Variants in ASPRV1 observed in about 807,000 individuals in gnomAD.
ASPRV1 encodes the protein retroviral-like aspartic protease 1.
A neutral mutation model predicts 11.0 loss-of-function variants in ASPRV1; 7 were observed. The ratio of observed to expected loss-of-function variants is 0.64; its 90% CI spans 0.36 to 1.20. The LOEUF is 1.20. Ranked by LOEUF, ASPRV1 falls within the 50% of genes most tolerant of loss-of-function variation. The pLI, the probability that ASPRV1 is intolerant of heterozygous loss-of-function variation, is 0.02. For missense variants in ASPRV1, 299 were observed against 320.0 expected, an observed-to-expected ratio of 0.93 and a Z score of 0.50; for synonymous variants, 136 against 138.4, an observed-to-expected ratio of 0.98 and a Z score of 0.12.
At chr2:70,059,328 A>G in the ASPRV1 span, among the ~76,000 whole-genome samples, 1 of 150,290 alleles carries the variant, frequency 6.7e-6, no homozygotes, top group Non-Finnish European at 1.5e-5. Context: ...CTACATGTGC[A>G]GAACATGCAG....
chr2:70,055,162 G>C, the ASPRV1 span, among the ~76,000 whole-genome samples: 2 of 152,216 alleles, frequency 1.3e-5, no homozygotes, highest in African/African-American at 4.8e-5. Context: ...AATTAGCCAG[G>C]CGTGGTGGCG....
chr2:70,037,738 T>C, the ASPRV1 span, among the ~76,000 whole-genome samples: 1 of 152,316 alleles, frequency 6.6e-6, no homozygotes, highest in East Asian at 1.9e-4. Flanking sequence ...TGTTACTTTT[T>C]TTTAGCTAAT....
chr2:70,058,973 G>A, the ASPRV1 span, among the ~76,000 whole-genome samples: 12 of 123,294 alleles, frequency 9.7e-5, 1 homozygote, highest in East Asian at 2.6e-4. Flanking sequence ...TGCAAGCTCC[G>A]CCTCCCAGGT....
In ASPRV1 at chr2:69,961,418, T is replaced by C. The variant is rs1342989161; in HGVS notation, c.19A>G (p.Arg7Gly). MAGSGA[R>G]SEEGRRQHAF... is the part of the protein sequence containing the mutation. ...TGCTGCCGGCGGCCTTCCTCACTCC[T>C]GGCTCCGCTCCCGGCCATCCTGCTG... The change falls in exon 1 of 1, where the codon AGG becomes GGG. Residue 7 changes from arginine to glycine, a missense_variant. Physicochemically the swap from Arg to Gly is moderately radical, Grantham distance 125. Transcript: ENST00000320256. The C allele has an allele frequency of 1.2e-6, 2 of 1,614,046 alleles. No homozygotes were observed. Among genetic ancestry groups the C allele is most frequent in the Non-Finnish European group, 1.7e-6 (2 of 1,180,028 alleles).
chr2:69,973,100 A>G, the ASPRV1 span, among the ~76,000 whole-genome samples: 1 of 152,160 alleles, frequency 6.6e-6, no homozygotes, highest in Non-Finnish European at 1.5e-5. Flanking sequence ...ATGCATATAT[A>G]CACATACATA....
chr2:70,080,007 CTTAG>C, the ASPRV1 span, among the ~76,000 whole-genome samples: 2 of 152,158 alleles, frequency 1.3e-5, no homozygotes, highest in Non-Finnish European at 2.9e-5. Context: ...CTTGCTTGTG[CTTAG>C]TAAGTGGGAT....
At chr2:70,050,407 C>A in the ASPRV1 span, 1 of 152,006 alleles carries the variant, frequency 6.6e-6, no homozygotes, top group South Asian at 2.1e-4. Flanking sequence ...ACACACAGTA[C>A]TCAAAAAGAA....
chr2:70,016,154 CAT>C, the ASPRV1 span: 5 of 152,202 alleles, frequency 3.3e-5, no homozygotes, highest in Admixed American at 6.5e-5. Flanking sequence ...GGACAACTCA[CAT>C]GTTAGGCCAC....
the ASPRV1 span, among the ~76,000 whole-genome samples, chr2:70,062,473 C>T: frequency 6.6e-6 from 1 of 152,292 alleles, no homozygotes; most frequent in African/African-American, 2.4e-5. Context: ...CCAGCGCCCC[C>T]TCTCTCACCC....
the ASPRV1 span, among the ~76,000 whole-genome samples, chr2:69,990,841 G>C: frequency 6.6e-6 from 1 of 152,022 alleles, no homozygotes; most frequent in African/African-American, 2.4e-5. Flanking sequence ...TCAACTTCTT[G>C]GGAAGGGACA....
the ASPRV1 span, among the ~76,000 whole-genome samples, chr2:70,052,698 A>T: frequency 6.6e-6 from 1 of 152,212 alleles, no homozygotes; most frequent in African/African-American, 2.4e-5. Context: ...AAAAAGGGAC[A>T]TAAGAAGGAT....
the ASPRV1 span, among the ~76,000 whole-genome samples, chr2:69,996,167 C>T: frequency 7.6e-6 from 1 of 130,766 alleles, no homozygotes; most frequent in South Asian, 2.4e-4. Context: ...CGCTTGAGCC[C>T]AGGAGTTTGA....
chr2:69,969,089 A>T, the ASPRV1 span, among the ~76,000 whole-genome samples: 1 of 152,112 alleles, frequency 6.6e-6, no homozygotes. Flanking sequence ...GGCAGTTTCT[A>T]GAAGGGTTGG....
At chr2:70,014,335 C>A in the ASPRV1 span, among the ~76,000 whole-genome samples, 3 of 151,904 alleles carry the variant, frequency 2.0e-5, no homozygotes, top group Non-Finnish European at 4.4e-5. Flanking sequence ...ACCAAACAAC[C>A]CCATTCAAAA....
At chr2:69,993,398 T>G in the ASPRV1 span, 1 of 152,296 alleles carries the variant, frequency 6.6e-6, no homozygotes, top group African/African-American at 2.4e-5. Flanking sequence ...TGGAAAGGAT[T>G]TATTCACAAA....
chr2:70,050,531 A>C, the ASPRV1 span: 215 of 152,302 alleles, frequency 1.4e-3, 1 homozygote, highest in African/African-American at 5.0e-3. Context: ...AAAAATGTAA[A>C]ATTTGCACAC....
At chr2:70,026,614 AT>A in the ASPRV1 span, among the ~76,000 whole-genome samples, 13 of 152,162 alleles carry the variant, frequency 8.5e-5, no homozygotes, top group South Asian at 2.1e-3. Context: ...GCAAAAAAAA[AT>A]AAAATAAAAT....
At chr2:69,948,115 C>G in the ASPRV1 span, among the ~76,000 whole-genome samples, 1 of 150,606 alleles carries the variant, frequency 6.6e-6, no homozygotes, top group Non-Finnish European at 1.5e-5. Flanking sequence ...GAGGTAGTGG[C>G]CTGTGCCTGT....
At chr2:70,077,374 G>A in the ASPRV1 span, 1 of 152,072 alleles carries the variant, frequency 6.6e-6, no homozygotes. Context: ...TGTAATACAG[G>A]ATAAGTACTT....
Sources: allele counts gnomAD v4.1 joint callset (sites outside exome capture counted in the v4.1 genomes callset), GRCh38; gene constraint gnomAD v4.1.1; transcripts MANE v1.5; gene names NCBI Gene and HGNC (gene_info 2026-07-23, HGNC 2026-07-21).